Variants in ATP6V0A2 observed in about 807,000 individuals in gnomAD.
ATP6V0A2 encodes V-type proton ATPase 116 kDa subunit a 2.
A neutral mutation model predicts 104.4 loss-of-function variants in ATP6V0A2; 58 were observed. The observed-to-expected ratio is 0.56, with a 90% CI of 0.45 to 0.69. ATP6V0A2 has a LOEUF of 0.69. Ranked by LOEUF, ATP6V0A2 falls within the 30% of genes least tolerant of loss-of-function variation. ATP6V0A2 has a pLI of 0.00. For synonymous variants in ATP6V0A2, 376 were observed against 397.9 expected (o/e 0.95, Z 0.65); for missense variants, 938 against 1,062.9 (o/e 0.88, Z 1.63).
intron 4 of ATP6V0A2, 126 bp downstream of exon 4, chr12:123,724,917 A>T (rs987181536): frequency 8.0e-6 from 5 of 626,228 alleles, no homozygotes; most frequent in Non-Finnish European, 1.3e-5. Flanking sequence ...TAAGAGATTA[A>T]ATTTATTTAT....
At chr12:123,735,975 C>T (rs2333837) in intron 8 of ATP6V0A2, among the ~76,000 whole-genome samples, 81,053 of 151,374 alleles carry the variant, frequency 0.54, 23,500 homozygotes, top group East Asian at 0.94. Flanking sequence ...TGGGTTCAAG[C>T]GATTCTCCTG....
chr12:123,743,463 G>A (rs980826987), intron 9 of ATP6V0A2, among the ~76,000 whole-genome samples: 1 of 152,168 alleles, frequency 6.6e-6, no homozygotes, highest in African/African-American at 2.4e-5. Context: ...AGACCAGCCT[G>A]ACCTACATGG....
chr12:123,748,895 T>G, intron 15 of ATP6V0A2, 110 bp downstream of exon 15: 1 of 1,084,620 alleles, frequency 9.2e-7, no homozygotes, highest in Non-Finnish European at 1.4e-6. Context: ...GGAAGGCTGC[T>G]TCTGTCTCTG....
In ATP6V0A2 at chr12:123,712,375, C is replaced by T. The variant is rs949757600; in HGVS notation, c.-191C>T. ...GGCGGGACCTCGCGGACTGCTGTGG[C>T]GGCAGCTGGAGCGGCGGCCGCGGTG... On this transcript the variant is annotated 5_prime_UTR_variant, in exon 1 of 20. Coordinates refer to ENST00000330342, the MANE Select transcript of ATP6V0A2 (RefSeq NM_012463.4). The T allele has an allele frequency of 1.4e-5, 5 of 353,524 alleles. No homozygotes were observed. The South Asian group carries it at 3.1e-4, about 22-fold the overall frequency. The allele number at this position is 353,524 out of a possible 1,614,324, so 21.9% of individuals were successfully genotyped here.
chr12:123,754,396 C>T (rs1361420907), intron 17 of ATP6V0A2, 24 bp from the exon 18 acceptor site: 1 of 1,523,744 alleles, frequency 6.6e-7, no homozygotes, highest in South Asian at 1.1e-5. Flanking sequence ...TGACTCTTAA[C>T]ATATGTTGTG....
At chr12:123,737,776 T>C (rs1956570117) in intron 9 of ATP6V0A2, 1 of 171,834 alleles carries the variant, frequency 5.8e-6, no homozygotes, top group Admixed American at 5.5e-5. Context: ...TGTTATTTCT[T>C]TGAGTTTCTT....
At position 123,716,130 on chromosome 12, in the gene ATP6V0A2, G is replaced by A. The variant is rs1470573284; in HGVS notation, c.118-2493G>A. On this transcript the variant is annotated intron_variant, in intron 1 of 19. Coordinates refer to ENST00000330342, the MANE Select transcript of ATP6V0A2 (RefSeq NM_012463.4). ...CGCCCAGGATGGAGTGCAGTGGCGC[G>A]ATCTCAGCTCATTGCAACCTCTGCC... Among the ~76,000 whole-genome samples the A allele has an allele frequency of 2.0e-5, 3 of 151,132 alleles. 1 individual carries two copies. Among genetic ancestry groups the A allele is most frequent in the South Asian group, 4.2e-4 (2 of 4,754 alleles).
chr12:123,732,318 C>T, intron 6 of ATP6V0A2: 1 of 154,352 alleles, frequency 6.5e-6, no homozygotes, highest in Non-Finnish European at 1.4e-5. Context: ...CCTCGCCTGG[C>T]TGGGCCCCTG....
Position 123,733,721 on chromosome 12 carries a change from T to A in ATP6V0A2, c.649-205T>A, listed in dbSNP as rs746398578. 79 of 575,398 alleles carry A rather than the reference T, an allele frequency of 1.4e-4. 1 individual carries two copies. Among genetic ancestry groups the A allele is most frequent in the Non-Finnish European group, 2.2e-4 (71 of 322,654 alleles). 35.6% of individuals were successfully genotyped at this position (575,398 alleles called of 1,614,324 possible). A position where few individuals can be genotyped will look rare whatever the true frequency, so the allele number is the denominator to read the frequency against. ...TCGGGTGCCTAAAAGTTTTGGCTGC[T>A]CTGCACATGACTGGAAGCGCTCCGT... On this transcript the variant is annotated intron_variant, in intron 6 of 19. Coordinates refer to ENST00000330342, the MANE Select transcript of ATP6V0A2 (RefSeq NM_012463.4).
intron 1 of ATP6V0A2, among the ~76,000 whole-genome samples, chr12:123,714,689 C>T (rs1225470208): frequency 6.6e-6 from 1 of 152,016 alleles, no homozygotes; most frequent in Non-Finnish European, 1.5e-5. Context: ...ATTGAATCTA[C>T]ATTAAAATGT....
At chr12:123,735,034 A>G (rs1157293153) in intron 7 of ATP6V0A2, among the ~76,000 whole-genome samples, 1 of 152,128 alleles carries the variant, frequency 6.6e-6, no homozygotes, top group Admixed American at 6.6e-5. Flanking sequence ...TTGGGGACAC[A>G]GCTCGTCATT....
chr12:123,739,244 G>A (rs573845229), intron 9 of ATP6V0A2, among the ~76,000 whole-genome samples: 2 of 152,296 alleles, frequency 1.3e-5, no homozygotes, highest in South Asian at 2.1e-4. Flanking sequence ...CGTGGGCACC[G>A]ACTCTTCGTT....
At position 123,716,437 on chromosome 12, in the gene ATP6V0A2, C is replaced by T. The variant is rs189889326; in HGVS notation, c.118-2186C>T. Among the ~76,000 whole-genome samples the T allele has an allele frequency of 5.8e-4, 88 of 152,204 alleles. 1 individual carries two copies. Among genetic ancestry groups the T allele is most frequent in the Middle Eastern group, 3.4e-3 (1 of 294 alleles). On this transcript the variant is annotated intron_variant, in intron 1 of 19. Coordinates refer to ENST00000330342, the MANE Select transcript of ATP6V0A2 (RefSeq NM_012463.4). ...TAACATTTCTTAATATAATCAAATA[C>T]CTGGTCATTTTTACACAACTTTATT... is the stretch of plus-strand genomic sequence containing the variant.
intron 3 of ATP6V0A2, 67 bp downstream of exon 3, chr12:123,722,515 T>C (rs1956409978): frequency 1.1e-6 from 1 of 904,748 alleles, no homozygotes. Flanking sequence ...ACTTATTTCA[T>C]GTTGTCTAAT....
intron 1 of ATP6V0A2, among the ~76,000 whole-genome samples, chr12:123,713,755 A>T (rs1956314573): frequency 6.6e-6 from 1 of 151,946 alleles, no homozygotes; most frequent in Non-Finnish European, 1.5e-5. Flanking sequence ...ATTGAAATCC[A>T]CTCAGGCGAA....
At position 123,761,233 on chromosome 12, in the gene ATP6V0A2, A is replaced by C. The variant is rs929808289; in HGVS notation, c.*3201A>C. The C allele has an allele frequency of 1.3e-5, 2 of 152,248 alleles. No individual in the cohort carries two copies. The highest frequency in any genetic ancestry group is 4.8e-5 in the African/African-American group (2 of 41,454). The allele number at this position is 152,248 out of a possible 1,614,324, so 9.4% of individuals were successfully genotyped here. A position where few individuals can be genotyped will look rare whatever the true frequency, so the allele number is the denominator to read the frequency against. ...TCTGCAGTTGTTTAATAAGGCACAGAATACCTGTAGCATAGGTCAGCCTTA... is the reference window on the plus strand; with the variant it reads ...TCTGCAGTTGTTTAATAAGGCACAGCATACCTGTAGCATAGGTCAGCCTTA... On this transcript the variant is annotated 3_prime_UTR_variant, in exon 20 of 20. Coordinates refer to ENST00000330342, the MANE Select transcript of ATP6V0A2 (RefSeq NM_012463.4).
chr12:123,755,108 G>A (rs1161296260), intron 18 of ATP6V0A2, among the ~76,000 whole-genome samples: 1 of 152,154 alleles, frequency 6.6e-6, no homozygotes, highest in Non-Finnish European at 1.5e-5. Flanking sequence ...TTAGGTGCAG[G>A]TGCATTTACC....
intron 9 of ATP6V0A2, chr12:123,738,989 C>T (rs1196042646): frequency 6.6e-6 from 1 of 152,178 alleles, no homozygotes; most frequent in Non-Finnish European, 1.5e-5. Flanking sequence ...GAGAGATAAA[C>T]ACAGATGATT....
At chr12:123,748,996 C>T (rs1159795617) in intron 15 of ATP6V0A2, among the ~76,000 whole-genome samples, 3 of 152,118 alleles carry the variant, frequency 2.0e-5, no homozygotes, top group Middle Eastern at 3.2e-3. Flanking sequence ...GCCATCAAAA[C>T]GAGTAGGAAG....
Sources: allele counts gnomAD v4.1 joint callset (sites outside exome capture counted in the v4.1 genomes callset), GRCh38; gene constraint gnomAD v4.1.1; transcripts MANE v1.5; gene names NCBI Gene and HGNC (gene_info 2026-07-23, HGNC 2026-07-21).